The following FAM135A variants were observed in gnomAD, a reference collection of about 807,000 sequenced individuals.
FAM135A encodes the protein protein FAM135A.
In FAM135A, 79 loss-of-function variants were observed where a neutral mutation model predicts 146.8. The observed-to-expected ratio is 0.54, with a 90% CI of 0.45 to 0.65. FAM135A has a LOEUF of 0.65. FAM135A is among the 30% of genes least tolerant of loss of function. The probability of loss-of-function intolerance (pLI) is 0.00; values close to 1 mark genes in which losing one functional copy is unlikely to be tolerated. For missense variants in FAM135A, 1,623 were observed against 1,758.2 expected (o/e 0.92, Z 1.38); for synonymous variants, 562 against 603.6 (o/e 0.93, Z 1.01).
intron 8 of FAM135A, among the ~76,000 whole-genome samples, chr6:70,479,037 C>G (rs1783187219): frequency 6.6e-6 from 1 of 152,016 alleles, no homozygotes; most frequent in Non-Finnish European, 1.5e-5. Context: ...CTCTAGTTTT[C>G]TAAATCTCTT....
At chr6:70,479,381 G>T (rs1169047594) in intron 8 of FAM135A, among the ~76,000 whole-genome samples, 1 of 152,154 alleles carries the variant, frequency 6.6e-6, no homozygotes, top group Non-Finnish European at 1.5e-5. Context: ...GAAGCCAGGA[G>T]GATTAACTGT....
intron 12 of FAM135A, among the ~76,000 whole-genome samples, chr6:70,519,896 A>G (rs1044425341): frequency 3.5e-5 from 5 of 144,560 alleles, no homozygotes; most frequent in African/African-American, 1.4e-4. Context: ...ATACTTTAGT[A>G]TAGGTATGAT....
At chr6:70,455,159 G>A (rs1173994035) in intron 5 of FAM135A, among the ~76,000 whole-genome samples, 2 of 152,026 alleles carry the variant, frequency 1.3e-5, no homozygotes, top group Non-Finnish European at 2.9e-5. Context: ...CTTGTAAGTT[G>A]GATTCCTAGG....
intron 20 of FAM135A, among the ~76,000 whole-genome samples, chr6:70,555,544 C>CG (rs1472778134): frequency 1.3e-5 from 2 of 152,112 alleles, no homozygotes; most frequent in East Asian, 3.9e-4. Context: ...TGAGCCACCT[C>CG]GCCCAGCCTG....
At chr6:70,437,356 GTTGT>G (rs1253453363) in intron 4 of FAM135A, among the ~76,000 whole-genome samples, 1 of 152,006 alleles carries the variant, frequency 6.6e-6, no homozygotes, top group East Asian at 1.9e-4. Flanking sequence ...AAGTGGGCTT[GTTGT>G]TTTCTTGGCA....
chr6:70,505,220 A>G (rs967120717), intron 12 of FAM135A, among the ~76,000 whole-genome samples: 1 of 152,146 alleles, frequency 6.6e-6, no homozygotes, highest in Non-Finnish European at 1.5e-5. Flanking sequence ...AGGTTAACCA[A>G]TACACTGATC....
intron 5 of FAM135A, among the ~76,000 whole-genome samples, chr6:70,460,114 G>T (rs16869238): frequency 5.7e-4 from 87 of 152,180 alleles, no homozygotes; most frequent in African/African-American, 2.0e-3. Context: ...ACTTTTACCC[G>T]TGTCTCTAGT....
intron 4 of FAM135A, among the ~76,000 whole-genome samples, chr6:70,449,071 G>A (rs953734379): frequency 6.6e-6 from 1 of 152,220 alleles, no homozygotes; most frequent in Non-Finnish European, 1.5e-5. Context: ...CCTCAAAATG[G>A]TTAATATAGA....
At chr6:70,531,580 ATTGT>A (rs1463416429) in intron 16 of FAM135A, among the ~76,000 whole-genome samples, 16 of 152,278 alleles carry the variant, frequency 1.1e-4, no homozygotes, top group Admixed American at 4.6e-4. Context: ...GATGTCAGCT[ATTGT>A]TTGTGCTGTT....
chr6:70,481,116 T>A (rs1783624582), intron 9 of FAM135A, 89 bp downstream of exon 9: 2 of 1,253,000 alleles, frequency 1.6e-6, no homozygotes, highest in Non-Finnish European at 2.1e-6. Flanking sequence ...ATTTCTTTTT[T>A]AAATTATTTC....
intron 20 of FAM135A, among the ~76,000 whole-genome samples, chr6:70,542,130 C>G (rs75645289): frequency 0.025 from 3,738 of 152,164 alleles, 109 homozygotes; most frequent in African/African-American, 0.068. Flanking sequence ...CCATATTGGT[C>G]TCATTTGAAA....
Position 70,525,900 on chromosome 6 carries a change from G to A in FAM135A, c.2816G>A (p.Ser939Asn), listed in dbSNP as rs1794596662. The change falls in exon 15 of 22, where the codon AGC becomes AAC. Residue 939 changes from serine (S) to asparagine (N), a missense_variant. Transcript: ENST00000418814. ...TCCAGTGATGTGAAAAGTAGTTGCA[G>A]CTCCAAACCTAACTTGGATACTATG... Reference protein sequence around the residue: ...ETSSDVKSSCSSKPNLDTMCK... With the variant: ...ETSSDVKSSCNSKPNLDTMCK... 1 of 1,613,040 alleles carries A rather than the reference G, an allele frequency of 6.2e-7. No individual in the cohort carries two copies.
At chr6:70,515,029 A>G (rs1187601772) in intron 12 of FAM135A, among the ~76,000 whole-genome samples, 5 of 152,234 alleles carry the variant, frequency 3.3e-5, no homozygotes, top group Non-Finnish European at 5.9e-5. Flanking sequence ...ATCCGTTATC[A>G]TATGTTATTA....
chr6:70,526,728 G>T, intron 15 of FAM135A, 30 bp downstream of exon 15: 1 of 1,487,654 alleles, frequency 6.7e-7, no homozygotes. Flanking sequence ...AGTACCTGCT[G>T]CTAAATATAT....
intron 12 of FAM135A, among the ~76,000 whole-genome samples, chr6:70,513,999 TG>T (rs1791642363): frequency 6.6e-6 from 1 of 151,346 alleles, no homozygotes; most frequent in Non-Finnish European, 1.5e-5. Context: ...TGTTTTTTTT[TG>T]TCTTTATCTT....
At chr6:70,426,389 CT>C (rs1346039303) in intron 2 of FAM135A, 49 bp from the exon 3 acceptor site, 1 of 152,016 alleles carries the variant, frequency 6.6e-6, no homozygotes, top group Non-Finnish European at 1.5e-5. Context: ...TTAAGACAGA[CT>C]TTTTTATGTC....
rs187783930 is a variant in FAM135A, at chr6:70,516,502, T to C, written c.1030-6011T>C. 3.8e-3 allele frequency among the ~76,000 whole-genome samples: 576 copies of C among 152,016 alleles called. 7 individuals carry two copies. The highest frequency in any genetic ancestry group is 0.013 in the African/African-American group (555 of 41,470). ...ATTCTTATTAGCTTTTATTGAGATT[T>C]TAATATCATAAAATAGTATTTTCTT... On this transcript the variant is annotated intron_variant, in intron 12 of 21. Coordinates refer to ENST00000418814, the MANE Select transcript of FAM135A (RefSeq NM_001162529.3).
intron 4 of FAM135A, among the ~76,000 whole-genome samples, chr6:70,447,291 A>G (rs900219813): frequency 3.3e-5 from 5 of 152,152 alleles, no homozygotes; most frequent in African/African-American, 1.2e-4. Flanking sequence ...ACTTTTTACC[A>G]TTCCCACATA....
intron 5 of FAM135A, among the ~76,000 whole-genome samples, chr6:70,467,111 A>G (rs1401178403): frequency 2.0e-5 from 3 of 152,234 alleles, no homozygotes; most frequent in African/African-American, 7.2e-5. Context: ...GGCATGGGAA[A>G]TAAATATTTT....
Sources: allele counts gnomAD v4.1 joint callset (sites outside exome capture counted in the v4.1 genomes callset), GRCh38; gene constraint gnomAD v4.1.1; transcripts MANE v1.5; gene names NCBI Gene and HGNC (gene_info 2026-07-23, HGNC 2026-07-21).